Variants in RPS6KC1 observed in about 807,000 individuals in gnomAD.
The protein encoded by RPS6KC1 is inactive ribosomal protein S6 kinase delta-1.
RPS6KC1 carries 54 observed loss-of-function variants against 103.8 expected under a neutral mutation model. That is an observed-to-expected ratio of 0.52 (90% CI 0.42 to 0.65). The LOEUF (loss-of-function observed/expected upper bound fraction) is 0.65, where lower values mean the gene tolerates loss of function less well. Among genes scored for constraint, RPS6KC1 ranks in the 30% least tolerant of loss-of-function variants. The pLI is 0.00. For missense variants in RPS6KC1, 1,151 were observed against 1,253.8 expected, an observed-to-expected ratio of 0.92 and a Z score of 1.24; for synonymous variants, 439 against 438.7, an observed-to-expected ratio of 1.00 and a Z score of -0.01.
chr1:213,618,202 G>GA, the RPS6KC1 span, among the ~76,000 whole-genome samples: 5 of 151,718 alleles, frequency 3.3e-5, no homozygotes, highest in Admixed American at 2.6e-4. Flanking sequence ...TAGAGGATAG[G>GA]AAAAAAAATG....
the RPS6KC1 span, among the ~76,000 whole-genome samples, chr1:213,422,037 C>T: frequency 6.6e-6 from 1 of 152,150 alleles, no homozygotes; most frequent in Non-Finnish European, 1.5e-5. Flanking sequence ...GCAAAATATA[C>T]ATAAAAGTTA....
the RPS6KC1 span, among the ~76,000 whole-genome samples, chr1:213,303,011 C>T: frequency 6.6e-6 from 1 of 152,162 alleles, no homozygotes. Context: ...TTAACAAGAT[C>T]CCCGGGTAAT....
At chr1:213,656,565 A>C in the RPS6KC1 span, among the ~76,000 whole-genome samples, 2 of 152,288 alleles carry the variant, frequency 1.3e-5, no homozygotes, top group Non-Finnish European at 2.9e-5. Flanking sequence ...ACAGAGACTG[A>C]CAGAGCAGAC....
At chr1:213,739,309 T>C in the RPS6KC1 span, among the ~76,000 whole-genome samples, 1 of 152,234 alleles carries the variant, frequency 6.6e-6, no homozygotes, top group African/African-American at 2.4e-5. Context: ...ATAATACATA[T>C]ACAAAATATG....
At chr1:213,680,666 G>T in the RPS6KC1 span, among the ~76,000 whole-genome samples, 6 of 152,248 alleles carry the variant, frequency 3.9e-5, no homozygotes, top group South Asian at 1.2e-3. Flanking sequence ...GGCTCGGGAG[G>T]GGGAAGGAGG....
At chr1:213,558,127 C>A in the RPS6KC1 span, among the ~76,000 whole-genome samples, 20 of 152,312 alleles carry the variant, frequency 1.3e-4, no homozygotes, top group Admixed American at 1.1e-3. Context: ...ACTTGGGAGG[C>A]TTTACAGAGG....
chr1:213,834,841 T>C, the RPS6KC1 span, among the ~76,000 whole-genome samples: 1 of 152,198 alleles, frequency 6.6e-6, no homozygotes, highest in Admixed American at 6.5e-5. Context: ...CCTAGTTCAC[T>C]GAGACCATCC....
chr1:213,462,091 A>T, the RPS6KC1 span, among the ~76,000 whole-genome samples: 1 of 152,172 alleles, frequency 6.6e-6, no homozygotes, highest in Non-Finnish European at 1.5e-5. Context: ...CCCCATCAAA[A>T]AGTGGGCAAA....
At chr1:213,747,407 G>A in the RPS6KC1 span, among the ~76,000 whole-genome samples, 128 of 152,256 alleles carry the variant, frequency 8.4e-4, no homozygotes, top group African/African-American at 2.8e-3. Context: ...AAAATGAGAA[G>A]AGAGGAATTG....
the RPS6KC1 span, among the ~76,000 whole-genome samples, chr1:213,453,760 A>T: frequency 6.6e-6 from 1 of 152,204 alleles, no homozygotes; most frequent in Admixed American, 6.5e-5. Context: ...TGAGAATGGG[A>T]AGAAACCATA....
the RPS6KC1 span, among the ~76,000 whole-genome samples, chr1:213,636,406 C>A: frequency 2.6e-4 from 40 of 152,186 alleles, no homozygotes; most frequent in African/African-American, 8.9e-4. Context: ...GGTACTGGTA[C>A]CAAAACAGTA....
the RPS6KC1 span, among the ~76,000 whole-genome samples, chr1:213,498,071 A>G: frequency 1.3e-5 from 2 of 152,178 alleles, no homozygotes; most frequent in Admixed American, 1.3e-4. Context: ...GATAATTCCT[A>G]TGCTTTTAAA....
the RPS6KC1 span, among the ~76,000 whole-genome samples, chr1:213,570,962 C>T: frequency 2.0e-5 from 3 of 152,326 alleles, no homozygotes; most frequent in East Asian, 5.8e-4. Context: ...ATGTCATACT[C>T]TGATAATTAA....
At chr1:213,358,756 T>G in the RPS6KC1 span, among the ~76,000 whole-genome samples, 1 of 152,222 alleles carries the variant, frequency 6.6e-6, no homozygotes, top group South Asian at 2.1e-4. Flanking sequence ...GTATGTTGTG[T>G]CTTTGTTCTC....
chr1:213,137,447 C>A (rs1401038433), intron 6 of RPS6KC1, among the ~76,000 whole-genome samples: 1 of 151,922 alleles, frequency 6.6e-6, no homozygotes, highest in Non-Finnish European at 1.5e-5. Flanking sequence ...GATTCTCCTG[C>A]CTCAACCTCC....
intron 3 of RPS6KC1, among the ~76,000 whole-genome samples, chr1:213,084,794 A>G (rs2080229118): frequency 6.6e-6 from 1 of 152,174 alleles, no homozygotes; most frequent in African/African-American, 2.4e-5. Flanking sequence ...CTTTTTAAAG[A>G]GAACGATTCT....
At chr1:213,259,983 C>T (rs2094745481) in intron 12 of RPS6KC1, among the ~76,000 whole-genome samples, 1 of 152,120 alleles carries the variant, frequency 6.6e-6, no homozygotes, top group South Asian at 2.1e-4. Flanking sequence ...AGGTGATCCG[C>T]CTGCCTCAGC....
the RPS6KC1 span, among the ~76,000 whole-genome samples, chr1:213,854,554 TTCTTTCTTTCTCTC>T: frequency 1.8e-5 from 2 of 108,418 alleles, no homozygotes; most frequent in Admixed American, 8.8e-5. Flanking sequence ...CTTTCTTTCT[TTCTTTCTTTCTCTC>T]TCTCTCTCTC....
the RPS6KC1 span, among the ~76,000 whole-genome samples, chr1:213,666,846 C>A: frequency 6.6e-6 from 1 of 152,256 alleles, no homozygotes; most frequent in Non-Finnish European, 1.5e-5. Flanking sequence ...TTCACCTGGC[C>A]TACCAAGCTC....
Sources: gnomAD v4.1 joint callset for allele counts (sites outside exome capture counted in the v4.1 genomes callset) on GRCh38, gnomAD v4.1.1 for gene constraint, MANE v1.5 for transcripts, NCBI Gene and HGNC (gene_info 2026-07-23, HGNC 2026-07-21) for gene names.